The following VKORC1L1 variants were observed in gnomAD, a reference collection of about 807,000 sequenced individuals.
The protein encoded by VKORC1L1 is vitamin K epoxide reductase complex subunit 1L1, also known as vitamin K epoxide reductase complex subunit 1-like protein 1.
Under a neutral mutation model 18.9 loss-of-function variants are expected in VKORC1L1, and 2 were observed. The observed-to-expected ratio is 0.11, with a 90% CI of 0.04 to 0.33. The LOEUF (loss-of-function observed/expected upper bound fraction) is 0.33. Among genes scored for constraint, VKORC1L1 ranks in the 10% least tolerant of loss-of-function variants. VKORC1L1 has a pLI of 1.00. For synonymous variants in VKORC1L1, 96 were observed against 100.0 expected (o/e 0.96, Z 0.24); for missense variants, 123 against 224.1 (o/e 0.55, Z 2.88).
chr7:65,885,842 T>C (rs1172084469), intron 1 of VKORC1L1, among the ~76,000 whole-genome samples: 1 of 152,222 alleles, frequency 6.6e-6, no homozygotes, highest in Non-Finnish European at 1.5e-5. Context: ...TTCTTTGCTA[T>C]TGTCATGAAT....
intron 1 of VKORC1L1, among the ~76,000 whole-genome samples, chr7:65,893,450 A>G (rs1789141201): frequency 6.6e-6 from 1 of 152,216 alleles, no homozygotes; most frequent in African/African-American, 2.4e-5. Flanking sequence ...CTGAGGCAGG[A>G]GAATCACTTG....
rs193135591 is a variant in VKORC1L1 at position 65,949,872 on chromosome 7, A to G, written c.304+1092A>G. ...TTAACATCTAGGTTTCACTCCTTTT[A>G]CTTCCAAATAATGCTGCAGTGATCA... On this transcript the variant is annotated intron_variant, in intron 2 of 2. Coordinates refer to ENST00000360768, the MANE Select transcript of VKORC1L1 (RefSeq NM_173517.6). Among the ~76,000 whole-genome samples, 6 of 152,274 alleles carry G rather than the reference A, an allele frequency of 3.9e-5. No individual in the cohort carries two copies. The East Asian group carries it at 1.2e-3, about 29-fold the overall frequency.
chr7:65,881,159 G>A (rs1788921786), intron 1 of VKORC1L1, among the ~76,000 whole-genome samples: 2 of 152,148 alleles, frequency 1.3e-5, no homozygotes, highest in African/African-American at 4.8e-5. Context: ...TACTAGGCTT[G>A]TATTAGATTC....
intron 1 of VKORC1L1, among the ~76,000 whole-genome samples, chr7:65,927,836 T>C (rs528052444): frequency 6.6e-6 from 1 of 152,254 alleles, no homozygotes; most frequent in Non-Finnish European, 1.5e-5. Flanking sequence ...TAAGAAAGGG[T>C]ACAATTATTT....
intron 1 of VKORC1L1, among the ~76,000 whole-genome samples, chr7:65,909,717 T>TGTGTGTGTGC (rs1789470455): frequency 6.7e-6 from 1 of 150,136 alleles, no homozygotes; most frequent in African/African-American, 2.5e-5. Flanking sequence ...TGTGTGTGTG[T>TGTGTGTGTGC]GTGTGTGTGT....
chr7:65,926,572 A>G (rs1789769191), intron 1 of VKORC1L1, among the ~76,000 whole-genome samples: 2 of 152,338 alleles, frequency 1.3e-5, no homozygotes, highest in Non-Finnish European at 2.9e-5. Context: ...AGAACTAACT[A>G]CCATTTGATC....
chr7:65,902,940 C>T (rs1310881089), intron 1 of VKORC1L1, among the ~76,000 whole-genome samples: 1 of 152,102 alleles, frequency 6.6e-6, no homozygotes, highest in African/African-American at 2.4e-5. Flanking sequence ...GATCTTGGCT[C>T]ACCGTGACCT....
chr7:65,929,671 T>C lies in VKORC1L1; in HGVS notation c.195-19000T>C, dbSNP rs913128845. ...ATATATATGTATGTGTGTGTGTGTATGTGTGTGTGTGTATATATATATATA... is the reference window on the plus strand; with the variant it reads ...ATATATATGTATGTGTGTGTGTGTACGTGTGTGTGTGTATATATATATATA... On this transcript the variant is annotated intron_variant, in intron 1 of 2. Transcript: ENST00000360768. Among the ~76,000 whole-genome samples, 428 of 106,622 alleles carry C rather than the reference T, an allele frequency of 4.0e-3. 2 individuals are homozygous for C. The highest frequency in any genetic ancestry group is 0.016 in the African/African-American group (408 of 25,638). The allele number at this position is 106,622 out of a possible 152,430, so 69.9% of individuals were successfully genotyped here.
chr7:65,927,848 T>C (rs1171887497), intron 1 of VKORC1L1, among the ~76,000 whole-genome samples: 2 of 152,204 alleles, frequency 1.3e-5, no homozygotes, highest in African/African-American at 4.8e-5. Flanking sequence ...CAATTATTTA[T>C]GTTGCAAGAT....
At chr7:65,941,224 G>A (rs1790027466) in intron 1 of VKORC1L1, among the ~76,000 whole-genome samples, 1 of 152,190 alleles carries the variant, frequency 6.6e-6, no homozygotes, top group South Asian at 2.1e-4. Context: ...CAAGTGATCA[G>A]CCTTCCAAGT....
chr7:65,937,510 C>T (rs942533466), intron 1 of VKORC1L1, among the ~76,000 whole-genome samples: 2 of 152,202 alleles, frequency 1.3e-5, no homozygotes, highest in African/African-American at 4.8e-5. Flanking sequence ...CCTCCCACCT[C>T]AGCCTCCCTA....
intron 1 of VKORC1L1, among the ~76,000 whole-genome samples, chr7:65,920,483 T>C (rs1460686931): frequency 6.6e-6 from 1 of 152,194 alleles, no homozygotes; most frequent in African/African-American, 2.4e-5. Flanking sequence ...GGAGACACCG[T>C]TATTGATTAA....
chr7:65,908,995 C>T (rs1004038993), intron 1 of VKORC1L1, among the ~76,000 whole-genome samples: 2 of 150,148 alleles, frequency 1.3e-5, no homozygotes, highest in African/African-American at 4.9e-5. Flanking sequence ...ACAGGCTGGG[C>T]ACGGTGGCTG....
intron 1 of VKORC1L1, among the ~76,000 whole-genome samples, chr7:65,877,619 A>AT (rs1788851652): frequency 6.6e-6 from 1 of 152,200 alleles, no homozygotes; most frequent in Non-Finnish European, 1.5e-5. Context: ...AAGTGCTGAG[A>AT]TTATAGGCAT....
At chr7:65,897,543 A>G (rs900430360) in intron 1 of VKORC1L1, among the ~76,000 whole-genome samples, 2 of 152,216 alleles carry the variant, frequency 1.3e-5, no homozygotes, top group Non-Finnish European at 2.9e-5. Flanking sequence ...TTCACCCAAC[A>G]TGAATGACTC....
chr7:65,872,094 T>G (rs555739359), upstream of VKORC1L1, among the ~76,000 whole-genome samples: 43 of 152,320 alleles, frequency 2.8e-4, no homozygotes, highest in East Asian at 7.7e-4. Flanking sequence ...TCCTTTTAGT[T>G]TTGGCCACCA....
chr7:65,939,765 G>T (rs1389729123), intron 1 of VKORC1L1, among the ~76,000 whole-genome samples: 1 of 152,184 alleles, frequency 6.6e-6, no homozygotes, highest in African/African-American at 2.4e-5. Flanking sequence ...ACTCAACCAG[G>T]CACAGTGGTG....
At chr7:65,914,856 T>A (rs982852838) in intron 1 of VKORC1L1, among the ~76,000 whole-genome samples, 5 of 151,990 alleles carry the variant, frequency 3.3e-5, no homozygotes, top group African/African-American at 1.2e-4. Flanking sequence ...ATAACAAAAA[T>A]TAGCTGGATG....
chr7:65,928,674 C>G (rs977641378), intron 1 of VKORC1L1, among the ~76,000 whole-genome samples: 1 of 152,168 alleles, frequency 6.6e-6, no homozygotes, highest in African/African-American at 2.4e-5. Context: ...ACGTGTGGGA[C>G]AATTATAAAT....
Sources: gnomAD v4.1 joint callset for allele counts (sites outside exome capture counted in the v4.1 genomes callset) on GRCh38, gnomAD v4.1.1 for gene constraint, MANE v1.5 for transcripts, NCBI Gene and HGNC (gene_info 2026-07-23, HGNC 2026-07-21) for gene names.